GCNT2: variants seen among roughly 807,000 people sequenced by gnomAD.
GCNT2 encodes glucosaminyl (N-acetyl) transferase 2 (I blood group).
GCNT2 carries 34 observed loss-of-function variants against 34.2 expected under a neutral mutation model. The ratio of observed to expected loss-of-function variants is 1.00; its 90% CI spans 0.76 to 1.32. GCNT2 has a LOEUF of 1.32. Among genes scored for constraint, GCNT2 ranks in the 40% most tolerant of loss-of-function variants. The probability of loss-of-function intolerance (pLI) is 0.00; values close to 1 mark genes in which losing one functional copy is unlikely to be tolerated. For synonymous variants in GCNT2, 212 were observed against 188.0 expected, an observed-to-expected ratio of 1.13 and a Z score of -1.04; for missense variants, 584 against 489.4, an observed-to-expected ratio of 1.19 and a Z score of -1.82.
At position 10,621,418 on chromosome 6, in the gene GCNT2, G is replaced by A; in HGVS notation, c.993G>A (p.Met331Ile). The change falls in exon 4 of 5, where the codon ATG (methionine) becomes ATA (isoleucine). Residue 331 changes from methionine (M) to isoleucine (I), a missense_variant. Met to Ile is a conservative substitution (Grantham distance 10). Transcript: ENST00000495262. ...TCAGAGCTATAAAGTGGAGTGACAT[G>A]GAAGACAGACACGGAGGCTGCCACG... ...GNLRAIKWSD[M>I]EDRHGGCHGH... The A allele has an allele frequency of 6.2e-7, 1 of 1,613,146 alleles. No homozygotes were observed.
At chr6:10,576,254 AAAG>A (rs147712926) in intron 3 of GCNT2, among the ~76,000 whole-genome samples, 3,286 of 152,304 alleles carry the variant, frequency 0.022, 101 homozygotes, top group African/African-American at 0.073. Flanking sequence ...CAGGATCCAT[AAAG>A]AAGGTTTTAT....
rs765609982 is a variant in GCNT2 at position 10,611,872 on chromosome 6, ATAAG to A, written c.926-9474_926-9471del. 9.8e-5 allele frequency among the ~76,000 whole-genome samples: 15 copies of A among 152,344 alleles called. No homozygotes were observed. The Middle Eastern group carries it at 0.01, about 104-fold the overall frequency. On this transcript the variant is annotated intron_variant, in intron 3 of 4. Coordinates refer to ENST00000495262, the MANE Select transcript of GCNT2 (RefSeq NM_145649.5). ...GCAATACAACATTAAAGAAAGTTTT[ATAAG>A]TAAGGAAAACACTGGTATTTCCTCC...
At chr6:10,607,405 G>A (rs1765369348) in intron 3 of GCNT2, among the ~76,000 whole-genome samples, 1 of 152,152 alleles carries the variant, frequency 6.6e-6, no homozygotes, top group African/African-American at 2.4e-5. Context: ...TAAACAGCCA[G>A]ATCTCACGAG....
At chr6:10,574,701 G>A in intron 3 of GCNT2, 1 of 397,354 alleles carries the variant, frequency 2.5e-6, no homozygotes, top group South Asian at 2.6e-5. Flanking sequence ...TTGTTTGTTT[G>A]TTTGTTTTAC....
chr6:10,522,618 T>C (rs1760973058), intron 1 of GCNT2, among the ~76,000 whole-genome samples: 1 of 152,206 alleles, frequency 6.6e-6, no homozygotes, highest in Non-Finnish European at 1.5e-5. Context: ...ATTGCAATTA[T>C]CGGAAGAAGG....
intron 1 of GCNT2, among the ~76,000 whole-genome samples, chr6:10,522,148 G>C (rs1281182324): frequency 6.6e-6 from 1 of 152,028 alleles, no homozygotes; most frequent in Non-Finnish European, 1.5e-5. Context: ...TCAGCCTCCT[G>C]AAGTGCTGGG....
intron 4 of GCNT2, among the ~76,000 whole-genome samples, chr6:10,624,219 C>T (rs776578906): frequency 1.4e-4 from 21 of 152,084 alleles, no homozygotes; most frequent in South Asian, 2.1e-4. Context: ...TGTATTAGTC[C>T]GTTTTCACAC....
intron 3 of GCNT2, among the ~76,000 whole-genome samples, chr6:10,538,307 C>G (rs1761866281): frequency 6.9e-6 from 1 of 145,532 alleles, no homozygotes; most frequent in Non-Finnish European, 1.5e-5. Flanking sequence ...ACTCGGGAGG[C>G]TGAGGCAGGA....
At chr6:10,586,376 T>TGA (rs565533124) in intron 3 of GCNT2, 3 of 1,613,564 alleles carry the variant, frequency 1.9e-6, no homozygotes, top group Non-Finnish European at 2.5e-6. Flanking sequence ...TTCACGTGGA[T>TGA]GAGAAAGCCC....
chr6:10,568,782 C>T (rs1763396408), intron 3 of GCNT2, among the ~76,000 whole-genome samples: 1 of 152,172 alleles, frequency 6.6e-6, no homozygotes, highest in Middle Eastern at 3.2e-3. Context: ...GCCTGTAATC[C>T]TGCCATAGGT....
At chr6:10,522,303 G>A (rs912572126) in intron 1 of GCNT2, among the ~76,000 whole-genome samples, 6 of 151,342 alleles carry the variant, frequency 4.0e-5, no homozygotes, top group African/African-American at 1.5e-4. Flanking sequence ...TAGAAAAGTA[G>A]TAGATCCATA....
At chr6:10,603,542 G>GTC (rs1050299918) in intron 3 of GCNT2, among the ~76,000 whole-genome samples, 4 of 152,162 alleles carry the variant, frequency 2.6e-5, no homozygotes, top group African/African-American at 7.2e-5. Flanking sequence ...TTGAGACAGA[G>GTC]TCTCTCTCTG....
chr6:10,556,680 T>TA, intron 3 of GCNT2: 1 of 1,614,160 alleles, frequency 6.2e-7, no homozygotes, highest in African/African-American at 1.3e-5. Context: ...ACAGCCCCTT[T>TA]ATCTAAGGAA....
chr6:10,557,049 A>C (rs944967206), intron 3 of GCNT2: 4 of 1,611,694 alleles, frequency 2.5e-6, no homozygotes, highest in Non-Finnish European at 2.5e-6. Context: ...AAAGGATTTA[A>C]AGGTAAAAAT....
At chr6:10,570,533 T>C (rs1395105398) in intron 3 of GCNT2, among the ~76,000 whole-genome samples, 1 of 152,250 alleles carries the variant, frequency 6.6e-6, no homozygotes, top group African/African-American at 2.4e-5. Flanking sequence ...AAATTTAGCT[T>C]CGTGCTACCA....
intron 3 of GCNT2, among the ~76,000 whole-genome samples, chr6:10,604,106 AGCATGGTCTCGATCTCCTGACC>A (rs1206360611): frequency 2.6e-5 from 4 of 152,018 alleles, no homozygotes; most frequent in African/African-American, 9.7e-5. Flanking sequence ...AATGTTGGCC[AGCATGGTCTCGATCTCCTGACC>A]TCATGTGATC....
chr6:10,538,386 C>T (rs1351733197), intron 3 of GCNT2, among the ~76,000 whole-genome samples: 10 of 112,738 alleles, frequency 8.9e-5, no homozygotes, highest in Non-Finnish European at 1.6e-4. Flanking sequence ...CTGGCCTGGG[C>T]GACAAGAGTG....
In GCNT2 at chr6:10,626,565, C is replaced by T. The variant is rs1766266768; in HGVS notation, c.1167C>T (p.Leu389=). Residue 389 remains leucine (L), a synonymous_variant, in exon 5 of 5, where the codon CTC becomes CTT. Coordinates refer to ENST00000495262, the MANE Select transcript of GCNT2 (RefSeq NM_145649.5). ...CLELRHRERT[L]NQSETAIQPS... is the part of the protein sequence containing the mutation. ...AACTGAGGCATCGCGAAAGAACCCT[C>T]AATCAGAGTGAAACTGCGATACAAC... 1 of 1,613,680 alleles carries T rather than the reference C, an allele frequency of 6.2e-7. No individual in the cohort carries two copies. Among genetic ancestry groups the T allele is most frequent in the Non-Finnish European group, 8.5e-7 (1 of 1,179,592 alleles).
chr6:10,532,998 T>C (rs936066032), intron 3 of GCNT2, among the ~76,000 whole-genome samples: 1 of 150,952 alleles, frequency 6.6e-6, no homozygotes, highest in African/African-American at 2.4e-5. Context: ...GGGATTATGA[T>C]TAGGATTCTG....
Sources: gnomAD v4.1 joint callset for allele counts (sites outside exome capture counted in the v4.1 genomes callset) on GRCh38, gnomAD v4.1.1 for gene constraint, MANE v1.5 for transcripts, NCBI Gene and HGNC (gene_info 2026-07-23, HGNC 2026-07-21) for gene names.